The following CLVS1 variants were observed in gnomAD, a reference collection of about 807,000 sequenced individuals.
CLVS1 encodes the protein clavesin-1.
In CLVS1, 10 loss-of-function variants were observed where a neutral mutation model predicts 33.1. The observed-to-expected ratio is 0.30, with a 90% CI of 0.19 to 0.51. The LOEUF (loss-of-function observed/expected upper bound fraction) is 0.51. CLVS1 is among the 20% of genes least tolerant of loss of function. The probability of loss-of-function intolerance (pLI) is 0.97; values close to 1 mark genes in which losing one functional copy is unlikely to be tolerated. For missense variants in CLVS1, 343 were observed against 433.4 expected, an observed-to-expected ratio of 0.79 and a Z score of 1.85; for synonymous variants, 163 against 166.1, an observed-to-expected ratio of 0.98 and a Z score of 0.14.
intron 2 of CLVS1, among the ~76,000 whole-genome samples, chr8:61,180,213 T>C (rs1003702634): frequency 3.3e-5 from 5 of 151,304 alleles, no homozygotes; most frequent in Non-Finnish European, 7.4e-5. Flanking sequence ...TATAAACACC[T>C]CTATGCAAAT....
At chr8:61,173,376 A>G (rs762754899) in intron 2 of CLVS1, among the ~76,000 whole-genome samples, 4 of 152,050 alleles carry the variant, frequency 2.6e-5, no homozygotes, top group East Asian at 1.9e-4. Flanking sequence ...GTGGAGATCA[A>G]TGTGGTCTTG....
In CLVS1 at chr8:61,354,103, C is replaced by T. The variant is rs577120154; in HGVS notation, c.456-22502C>T. 1.9e-4 allele frequency among the ~76,000 whole-genome samples: 29 copies of T among 152,132 alleles called. No homozygotes were observed. The South Asian group carries it at 3.5e-3, about 18-fold the overall frequency. On this transcript the variant is annotated intron_variant, in intron 2 of 5. Coordinates refer to ENST00000325897, the MANE Select transcript of CLVS1 (RefSeq NM_173519.3). ...TCGTTGAATTCATAAATTTAAAACTCTTGAAAAAGACACTTCTGGGCCCAC... is the reference window on the plus strand; with the variant it reads ...TCGTTGAATTCATAAATTTAAAACTTTTGAAAAAGACACTTCTGGGCCCAC...
intron 2 of CLVS1, among the ~76,000 whole-genome samples, chr8:61,322,437 G>T (rs1364924493): frequency 6.6e-6 from 1 of 152,154 alleles, no homozygotes; most frequent in Non-Finnish European, 1.5e-5. Flanking sequence ...GAGATGGAAT[G>T]ATAAGTAACT....
At chr8:61,232,023 GTTTTTTTT>G (rs1158042227) in intron 2 of CLVS1, among the ~76,000 whole-genome samples, 1 of 62,628 alleles carries the variant, frequency 1.6e-5, no homozygotes, top group Non-Finnish European at 3.9e-5. Flanking sequence ...GAAAGTTGTG[GTTTTTTTT>G]TTTTTTTTTT....
At chr8:61,473,409 G>C (rs1301951028) in intron 5 of CLVS1, among the ~76,000 whole-genome samples, 4 of 151,940 alleles carry the variant, frequency 2.6e-5, no homozygotes, top group Non-Finnish European at 2.9e-5. Flanking sequence ...AAAATGACGG[G>C]GGTGATGCAC....
At chr8:61,322,381 A>G (rs1811224759) in intron 2 of CLVS1, among the ~76,000 whole-genome samples, 1 of 152,168 alleles carries the variant, frequency 6.6e-6, no homozygotes, top group Non-Finnish European at 1.5e-5. Context: ...TTGACTATAA[A>G]TTGGTGTCAT....
At chr8:61,009,131 G>A in the CLVS1 span, among the ~76,000 whole-genome samples, 1 of 151,168 alleles carries the variant, frequency 6.6e-6, no homozygotes, top group Non-Finnish European at 1.5e-5. Flanking sequence ...ACATTCTATT[G>A]TGCTCTTGCC....
intron 2 of CLVS1, among the ~76,000 whole-genome samples, chr8:61,269,356 G>C (rs138946943): frequency 0.27 from 41,042 of 152,058 alleles, 7,996 homozygotes; most frequent in East Asian, 0.85. Context: ...TGAGGGCTCT[G>C]TTCTGTTCCA....
At chr8:60,995,217 A>T in the CLVS1 span, among the ~76,000 whole-genome samples, 2 of 152,222 alleles carry the variant, frequency 1.3e-5, no homozygotes, top group Non-Finnish European at 2.9e-5. Context: ...CATCAGAGTG[A>T]ACAGGCAACC....
rs144315040 is a variant in CLVS1, at chr8:61,432,995, C to T, written c.631-21146C>T. ...ATGAGGCCAGTGCTCACTCTGTCAC[C>T]CAGGCTGGAGTGCAGTGGCACAATC... On this transcript the variant is annotated intron_variant, in intron 3 of 5. Coordinates refer to ENST00000325897, the MANE Select transcript of CLVS1 (RefSeq NM_173519.3). Among the ~76,000 whole-genome samples, 959 of 152,262 alleles carry T rather than the reference C, an allele frequency of 6.3e-3. 15 individuals carry two copies. Among genetic ancestry groups the T allele is most frequent in the African/African-American group, 0.022 (902 of 41,554 alleles).
intron 1 of CLVS1, among the ~76,000 whole-genome samples, chr8:61,298,503 C>G (rs1810302102): frequency 6.6e-6 from 1 of 152,100 alleles, no homozygotes; most frequent in South Asian, 2.1e-4. Context: ...ATGATTGTCT[C>G]TCTTAAGAAA....
At position 61,386,471 on chromosome 8, in the gene CLVS1, A is replaced by G. The variant is rs1461837163; in HGVS notation, c.630+9692A>G. On this transcript the variant is annotated intron_variant, in intron 3 of 5. Coordinates refer to ENST00000325897, the MANE Select transcript of CLVS1 (RefSeq NM_173519.3). ...AAACAATTAGAATGCAGTATTGAGA[A>G]GAATTCTGATGCAAATGCCATGCTC... is the stretch of plus-strand genomic sequence containing the variant. Among the ~76,000 whole-genome samples, 5 of 152,338 alleles carry G rather than the reference A, an allele frequency of 3.3e-5. No individual in the cohort carries two copies. In the East Asian group the frequency reaches 9.6e-4, roughly 29 times the overall value.
intron 2 of CLVS1, among the ~76,000 whole-genome samples, chr8:61,347,674 A>G (rs571176051): frequency 1.2e-5 from 1 of 81,246 alleles, no homozygotes; most frequent in African/African-American, 5.2e-5. Context: ...ATATATATAT[A>G]TATATATATC....
chr8:61,004,705 C>T, the CLVS1 span, among the ~76,000 whole-genome samples: 8 of 152,160 alleles, frequency 5.3e-5, no homozygotes, highest in South Asian at 2.1e-4. Flanking sequence ...CTGGAGGAGC[C>T]GGCAGCAGGG....
intron 1 of CLVS1, among the ~76,000 whole-genome samples, chr8:61,119,636 T>C (rs1585623728): frequency 6.7e-6 from 1 of 149,454 alleles, no homozygotes; most frequent in African/African-American, 2.5e-5. Context: ...TTATGAAGCT[T>C]AGTTTGGCTG....
At chr8:61,456,833 G>C (rs1317343025) in intron 4 of CLVS1, among the ~76,000 whole-genome samples, 2 of 151,292 alleles carry the variant, frequency 1.3e-5, no homozygotes, top group African/African-American at 4.9e-5. Flanking sequence ...CAGGAGAACG[G>C]CATGAACCTG....
At chr8:61,323,098 T>A (rs1193901700) in intron 2 of CLVS1, among the ~76,000 whole-genome samples, 1 of 152,174 alleles carries the variant, frequency 6.6e-6, no homozygotes, top group Non-Finnish European at 1.5e-5. Flanking sequence ...TTCTTATGAT[T>A]CTGTATGTTG....
intron 2 of CLVS1, among the ~76,000 whole-genome samples, chr8:61,309,639 C>A (rs4033657): frequency 1.3e-5 from 2 of 152,216 alleles, no homozygotes; most frequent in Non-Finnish European, 2.9e-5. Context: ...TCAGCTGTTT[C>A]TTGTCCCCTC....
chr8:61,062,017 T>C (rs926408980), intron 1 of CLVS1, among the ~76,000 whole-genome samples: 23 of 152,192 alleles, frequency 1.5e-4, no homozygotes, highest in Non-Finnish European at 1.6e-4. Flanking sequence ...GGTCATAGTT[T>C]CTTTTTCAAA....
Sources: allele counts gnomAD v4.1 joint callset (sites outside exome capture counted in the v4.1 genomes callset), GRCh38; gene constraint gnomAD v4.1.1; transcripts MANE v1.5; gene names NCBI Gene and HGNC (gene_info 2026-07-23, HGNC 2026-07-21).